APOD: variants seen among roughly 807,000 people sequenced by gnomAD.
The protein encoded by APOD is apolipoprotein D.
APOD carries 22 observed loss-of-function variants against 20.4 expected under a neutral mutation model. That is an observed-to-expected ratio of 1.08 (90% CI 0.77 to 1.54). The LOEUF is 1.54. Ranked by LOEUF, APOD falls within the 40% of genes most tolerant of loss-of-function variation. The probability of loss-of-function intolerance (pLI) is 0.00; values close to 1 mark genes in which losing one functional copy is unlikely to be tolerated. For missense variants in APOD, 223 were observed against 229.6 expected, an observed-to-expected ratio of 0.97 and a Z score of 0.19; for synonymous variants, 97 against 92.4, an observed-to-expected ratio of 1.05 and a Z score of -0.29.
chr3:195,575,016 T>C (rs1263581298), intron 2 of APOD, among the ~76,000 whole-genome samples: 1 of 152,262 alleles, frequency 6.6e-6, no homozygotes, highest in Non-Finnish European at 1.5e-5. Flanking sequence ...CTTGCAGTTG[T>C]GTAAGTCAGA....
chr3:195,579,336 TA>T lies in APOD; in HGVS notation c.123+2del, dbSNP rs1720295634. 1 of 1,614,086 alleles carries T rather than the reference TA, an allele frequency of 6.2e-7. No homozygotes were observed. The highest frequency in any genetic ancestry group is 1.3e-5 in the African/African-American group (1 of 74,938). On this transcript the variant is annotated splice_donor_variant, in intron 2 of 4. Coordinates refer to ENST00000343267, the MANE Select transcript of APOD (RefSeq NM_001647.4). LOFTEE classifies it high-confidence loss of function. ...CAAAACAAACGGGAGGTTCGCCTTT[TA>T]CCTTATTCACGTCAAAATTCTCCTG...
At position 195,569,963 on chromosome 3, in the gene APOD, C is replaced by G. The variant is rs1049644997; in HGVS notation, c.335-828G>C. ...TACAGGCACACGCCACCATGCCCAG[C>G]TAATTTTTTGTATCTTTAGTAGAGA... On this transcript the variant is annotated intron_variant, in intron 4 of 4. Coordinates refer to ENST00000343267, the MANE Select transcript of APOD (RefSeq NM_001647.4). Among the ~76,000 whole-genome samples, 4 of 151,898 alleles carry G rather than the reference C, an allele frequency of 2.6e-5. 1 individual carries two copies. Among genetic ancestry groups the G allele is most frequent in the African/African-American group, 9.7e-5 (4 of 41,350 alleles).
chr3:195,575,143 T>G (rs1047434744), intron 2 of APOD, among the ~76,000 whole-genome samples: 1 of 152,228 alleles, frequency 6.6e-6, no homozygotes, highest in African/African-American at 2.4e-5. Flanking sequence ...CCTACATTCC[T>G]TGGCTTGAGG....
chr3:195,572,331 T>G (rs7618045), intron 3 of APOD, among the ~76,000 whole-genome samples: 1 of 152,170 alleles, frequency 6.6e-6, no homozygotes, highest in African/African-American at 2.4e-5. Context: ...AACATTTACT[T>G]TATCTCAGTG....
Position 195,578,126 on chromosome 3 carries a change from A to G in APOD, c.123+1213T>C, listed in dbSNP as rs116436932. ...CTGCTTTAATTCTCAAAGGACTTCT[A>G]TAAATACAGATCAGTTATCATTTCC... On this transcript the variant is annotated intron_variant, in intron 2 of 4. Transcript: ENST00000343267. 6.5e-3 allele frequency among the ~76,000 whole-genome samples: 991 copies of G among 152,360 alleles called. 10 individuals are homozygous for G. Among genetic ancestry groups the G allele is most frequent in the African/African-American group, 0.023 (948 of 41,586 alleles).
At chr3:195,573,145 G>T (rs1720194545) in intron 3 of APOD, among the ~76,000 whole-genome samples, 1 of 152,188 alleles carries the variant, frequency 6.6e-6, no homozygotes, top group South Asian at 2.1e-4. Context: ...ATTGCATTTT[G>T]CTCTAGAACG....
intron 3 of APOD, among the ~76,000 whole-genome samples, chr3:195,572,952 G>A (rs1209538930): frequency 6.6e-6 from 1 of 152,146 alleles, no homozygotes; most frequent in East Asian, 1.9e-4. Flanking sequence ...CAGGGATTCT[G>A]GGAACTGTGC....
chr3:195,582,704 T>C (rs1044214294), intron 1 of APOD: 1 of 152,122 alleles, frequency 6.6e-6, no homozygotes, highest in African/African-American at 2.4e-5. Context: ...ATCACACCAT[T>C]GCACTCTAGC....
chr3:195,580,551 T>C (rs1720320674), intron 1 of APOD, among the ~76,000 whole-genome samples: 1 of 151,982 alleles, frequency 6.6e-6, no homozygotes, highest in Non-Finnish European at 1.5e-5. Context: ...ATTACAGGTG[T>C]CCACCACAAC....
intron 3 of APOD, among the ~76,000 whole-genome samples, chr3:195,572,961 G>T (rs1720191027): frequency 6.6e-6 from 1 of 152,150 alleles, no homozygotes; most frequent in African/African-American, 2.4e-5. Context: ...TGGGAACTGT[G>T]CTCTGATGTT....
intron 1 of APOD, among the ~76,000 whole-genome samples, chr3:195,581,452 G>T (rs941928627): frequency 6.6e-6 from 1 of 152,202 alleles, no homozygotes; most frequent in African/African-American, 2.4e-5. Context: ...CTGGCCCAGA[G>T]GATCAAACCT....
chr3:195,574,590 C>A (rs1309139761), intron 2 of APOD, among the ~76,000 whole-genome samples: 2 of 152,188 alleles, frequency 1.3e-5, no homozygotes, highest in Admixed American at 6.5e-5. Context: ...CAGTTTACAA[C>A]CTCTGCGGAG....
chr3:195,571,332 T>G lies in APOD; in HGVS notation c.279A>C (p.Glu93Asp), dbSNP rs1307052264. Reference sequence around the variant, plus strand: ...GCTCTGTGAGGTTAACTGGGGTGGCTTCACCTTCGATTTGATTCACAGTTC... The same window carrying G: ...GCTCTGTGAGGTTAACTGGGGTGGCGTCACCTTCGATTTGATTCACAGTTC... ...ADGTVNQIEG[E>D]ATPVNLTEPA... is the part of the protein sequence containing the mutation. The change falls in exon 4 of 5, where the codon GAA becomes GAC. Residue 93 changes from glutamate to aspartate, a missense_variant. Glu to Asp is a conservative substitution (Grantham distance 45). Transcript: ENST00000343267. The G allele has an allele frequency of 6.2e-7, 1 of 1,614,110 alleles. No individual in the cohort carries two copies. Among genetic ancestry groups the G allele is most frequent in the Non-Finnish European group, 8.5e-7 (1 of 1,180,024 alleles).
intron 2 of APOD, among the ~76,000 whole-genome samples, chr3:195,574,933 A>G (rs900464123): frequency 6.6e-6 from 1 of 152,240 alleles, no homozygotes; most frequent in Non-Finnish European, 1.5e-5. Context: ...AATGGAGAAA[A>G]TGTTTATTAC....
intron 4 of APOD, 87 bp from the exon 5 acceptor site, chr3:195,569,222 C>T: frequency 1.9e-6 from 2 of 1,068,008 alleles, no homozygotes; most frequent in Non-Finnish European, 1.4e-6. Flanking sequence ...CAGACAACCA[C>T]CCACCAAGCC....
intron 1 of APOD, among the ~76,000 whole-genome samples, chr3:195,583,406 C>T (rs1366407658): frequency 6.6e-6 from 1 of 152,178 alleles, no homozygotes; most frequent in Non-Finnish European, 1.5e-5. Context: ...CTCATTTAGC[C>T]ATTAAATATA....
Position 195,576,909 on chromosome 3 carries a change from G to A in APOD, c.123+2430C>T, listed in dbSNP as rs143887690. On this transcript the variant is annotated intron_variant, in intron 2 of 4. Transcript: ENST00000343267. ...AAATTCCATTTAAAAGGCCGGGCACGGTGGCTTGCTCACACCTGTAATCCT... is the reference window on the plus strand; with the variant it reads ...AAATTCCATTTAAAAGGCCGGGCACAGTGGCTTGCTCACACCTGTAATCCT... Among the ~76,000 whole-genome samples, 272 of 151,636 alleles carry A rather than the reference G, an allele frequency of 1.8e-3. 1 individual carries two copies. The highest frequency in any genetic ancestry group is 6.1e-3 in the African/African-American group (251 of 41,318).
chr3:195,568,867 A>ATGGAG lies in APOD; in HGVS notation c.*28_*32dup, dbSNP rs1720105921. On this transcript the variant is annotated 3_prime_UTR_variant, in exon 5 of 5. Coordinates refer to ENST00000343267, the MANE Select transcript of APOD (RefSeq NM_001647.4). ...TAGGGGAAAGCGAAGCAGAAGTAAC[A>ATGGAG]TGGAGTGGGTGCAGCCTCCCTGTAG... 5 of 1,499,386 alleles carry ATGGAG rather than the reference A, an allele frequency of 3.3e-6. No homozygotes were observed. In the East Asian group the frequency reaches 1.1e-4, roughly 34 times the overall value. 92.9% of individuals were successfully genotyped at this position (1,499,386 alleles called of 1,614,324 possible). A position where few individuals can be genotyped will look rare whatever the true frequency, so the allele number is the denominator to read the frequency against.
intron 1 of APOD, among the ~76,000 whole-genome samples, chr3:195,581,663 T>C (rs73890889): frequency 0.014 from 2,111 of 152,326 alleles, 56 homozygotes; most frequent in African/African-American, 0.048. Context: ...TGCACCGCCA[T>C]AGGGCCTTTC....
Sources: gnomAD v4.1 joint callset for allele counts (sites outside exome capture counted in the v4.1 genomes callset) on GRCh38, gnomAD v4.1.1 for gene constraint, MANE v1.5 for transcripts, NCBI Gene and HGNC (gene_info 2026-07-23, HGNC 2026-07-21) for gene names.